GRIP1: variants seen among roughly 807,000 people sequenced by gnomAD.
GRIP1 encodes glutamate receptor interacting protein 1, also known as glutamate receptor-interacting protein 1.
In GRIP1, 45 loss-of-function variants were observed where a neutral mutation model predicts 129.9. The ratio of observed to expected loss-of-function variants is 0.35; its 90% CI spans 0.27 to 0.44. The LOEUF is 0.44. GRIP1 is among the 20% of genes least tolerant of loss of function. The pLI, the probability that GRIP1 is intolerant of heterozygous loss-of-function variation, is 1.00. For synonymous variants in GRIP1, 530 were observed against 520.8 expected (o/e 1.02, Z -0.24); for missense variants, 1,196 against 1,396.8 (o/e 0.86, Z 2.29).
rs188794300 is a variant in GRIP1 at position 66,850,488 on chromosome 12, G to A, written c.58+218562C>T. Among the ~76,000 whole-genome samples the A allele has an allele frequency of 1.4e-3, 208 of 152,166 alleles. No individual in the cohort carries two copies. The Middle Eastern group carries it at 0.02, about 15-fold the overall frequency. On this transcript the variant is annotated intron_variant, in intron 1 of 1. Transcript: ENST00000643019. ...GTTGTTTGGTTTTAACACTTTATAA[G>A]AATGGACCTCACATTTTCTATCTTG...
At chr12:66,477,263 G>T (rs996963691) in intron 7 of GRIP1, among the ~76,000 whole-genome samples, 17 of 152,088 alleles carry the variant, frequency 1.1e-4, no homozygotes, top group South Asian at 4.1e-4. Flanking sequence ...AATCATGAGT[G>T]AACTCCCATT....
At chr12:67,030,220 T>TAAC (rs979666450) in intron 1 of GRIP1, among the ~76,000 whole-genome samples, 7 of 149,416 alleles carry the variant, frequency 4.7e-5, no homozygotes, top group Admixed American at 4.0e-4. Context: ...CAAATAATAA[T>TAAC]AATAATAATA....
intron 1 of GRIP1, among the ~76,000 whole-genome samples, chr12:66,629,628 C>A (rs11176338): frequency 6.6e-6 from 1 of 151,988 alleles, no homozygotes; most frequent in Non-Finnish European, 1.5e-5. Flanking sequence ...GGGAAAAGAA[C>A]GTGGTTAATT....
At chr12:66,647,572 A>T (rs973561154) in intron 1 of GRIP1, among the ~76,000 whole-genome samples, 2 of 152,244 alleles carry the variant, frequency 1.3e-5, no homozygotes, top group African/African-American at 4.8e-5. Context: ...TTCTAGATTA[A>T]GAACTTTTGT....
intron 1 of GRIP1, among the ~76,000 whole-genome samples, chr12:67,056,749 C>T (rs2043443103): frequency 6.6e-6 from 1 of 152,140 alleles, no homozygotes; most frequent in South Asian, 2.1e-4. Flanking sequence ...CTTGTAAGAG[C>T]ATTACATATG....
chr12:66,471,531 T>C (rs60195589), intron 7 of GRIP1, among the ~76,000 whole-genome samples: 4,253 of 152,288 alleles, frequency 0.028, 175 homozygotes, highest in African/African-American at 0.093. Context: ...ATTAATTGTA[T>C]GTTATGTGAA....
intron 2 of GRIP1, among the ~76,000 whole-genome samples, chr12:66,572,120 G>C (rs961848788): frequency 1.3e-5 from 2 of 152,194 alleles, no homozygotes; most frequent in African/African-American, 4.8e-5. Flanking sequence ...TCAACAGAAA[G>C]TTTATATTTA....
intron 1 of GRIP1, among the ~76,000 whole-genome samples, chr12:66,868,157 C>T (rs891762514): frequency 2.0e-5 from 3 of 151,884 alleles, no homozygotes; most frequent in Non-Finnish European, 4.4e-5. Context: ...AATACAGAAC[C>T]ACTAGTTAAA....
intron 1 of GRIP1, among the ~76,000 whole-genome samples, chr12:66,972,989 T>C (rs1225172973): frequency 6.6e-6 from 1 of 152,156 alleles, no homozygotes; most frequent in Non-Finnish European, 1.5e-5. Context: ...GTATTAATGA[T>C]AGCCCTGAAA....
chr12:66,372,091 G>A (rs2137298331), intron 22 of GRIP1, 164 bp from the exon 23 acceptor site: 2 of 658,540 alleles, frequency 3.0e-6, no homozygotes, highest in East Asian at 5.4e-5. Context: ...ATGAAAGTCT[G>A]GAAAATGCTT....
intron 5 of GRIP1, 73 bp from the exon 6 acceptor site, chr12:66,518,049 T>C (rs947207208): frequency 1.2e-6 from 1 of 866,834 alleles, no homozygotes; most frequent in Non-Finnish European, 2.0e-6. Context: ...CTACAAGATA[T>C]CAGCTGAGAA....
intron 1 of GRIP1, among the ~76,000 whole-genome samples, chr12:66,703,581 T>C (rs563433320): frequency 3.3e-5 from 5 of 151,760 alleles, no homozygotes; most frequent in Admixed American, 2.0e-4. Flanking sequence ...TGACAGAGGA[T>C]CAACAGGGCA....
intron 1 of GRIP1, among the ~76,000 whole-genome samples, chr12:66,800,497 T>C (rs1345999793): frequency 6.6e-6 from 1 of 152,194 alleles, no homozygotes; most frequent in African/African-American, 2.4e-5. Flanking sequence ...TTGTTATGTA[T>C]AAGCACAGTG....
intron 1 of GRIP1, among the ~76,000 whole-genome samples, chr12:67,046,780 G>A (rs2043260489): frequency 1.3e-5 from 2 of 152,114 alleles, no homozygotes. Context: ...AGTTTACTTA[G>A]AATCACAGTA....
At chr12:66,402,713 A>C (rs1299037090) in intron 16 of GRIP1, among the ~76,000 whole-genome samples, 1 of 152,218 alleles carries the variant, frequency 6.6e-6, no homozygotes, top group Non-Finnish European at 1.5e-5. Context: ...GGGGTGGAGA[A>C]TATACGCTGA....
intron 1 of GRIP1, among the ~76,000 whole-genome samples, chr12:66,841,745 A>T (rs1335470988): frequency 6.6e-6 from 1 of 152,202 alleles, no homozygotes; most frequent in Non-Finnish European, 1.5e-5. Context: ...GAAATTGAGG[A>T]GCCATACCTA....
intron 5 of GRIP1, among the ~76,000 whole-genome samples, chr12:66,519,243 G>C (rs906006619): frequency 1.3e-5 from 2 of 152,158 alleles, no homozygotes; most frequent in African/African-American, 2.4e-5. Flanking sequence ...ATTGGTAAAA[G>C]CTCTCATTCA....
intron 1 of GRIP1, among the ~76,000 whole-genome samples, chr12:66,900,621 A>T (rs2040829467): frequency 6.6e-6 from 1 of 152,204 alleles, no homozygotes; most frequent in African/African-American, 2.4e-5. Context: ...TCTATCTGCA[A>T]GGCCTAAGGT....
chr12:66,618,955 C>T (rs1475807924), intron 1 of GRIP1, among the ~76,000 whole-genome samples: 2 of 152,000 alleles, frequency 1.3e-5, no homozygotes, highest in African/African-American at 2.4e-5. Flanking sequence ...AATTCGAACT[C>T]GTATTATTCT....
Sources: gnomAD v4.1 joint callset for allele counts (sites outside exome capture counted in the v4.1 genomes callset) on GRCh38, gnomAD v4.1.1 for gene constraint, MANE v1.5 for transcripts, NCBI Gene and HGNC (gene_info 2026-07-23, HGNC 2026-07-21) for gene names.